Variants in SH3D19 observed in about 807,000 individuals in gnomAD.
SH3D19 encodes the protein SH3 domain-containing protein 19.
In SH3D19, 58 loss-of-function variants were observed where a neutral mutation model predicts 112.1. The observed-to-expected ratio is 0.52, with a 90% CI of 0.42 to 0.64. The LOEUF (loss-of-function observed/expected upper bound fraction) is 0.64. Among genes scored for constraint, SH3D19 ranks in the 30% least tolerant of loss-of-function variants. The pLI, the probability that SH3D19 is intolerant of heterozygous loss-of-function variation, is 0.00. For synonymous variants in SH3D19, 391 were observed against 448.5 expected, an observed-to-expected ratio of 0.87 and a Z score of 1.62; for missense variants, 1,090 against 1,263.4, an observed-to-expected ratio of 0.86 and a Z score of 2.08.
chr4:151,161,740 G>A, intron 8 of SH3D19, among the ~76,000 whole-genome samples: 1 of 143,920 alleles, frequency 6.9e-6, no homozygotes, highest in East Asian at 2.0e-4. Flanking sequence ...TGGCCAAAGT[G>A]TTCTCACTGT....
chr4:151,163,285 T>C (rs1177271201), intron 8 of SH3D19, among the ~76,000 whole-genome samples: 1 of 152,234 alleles, frequency 6.6e-6, no homozygotes, highest in East Asian at 1.9e-4. Flanking sequence ...AACTATCTGT[T>C]GAGTCCTGTG....
intron 1 of SH3D19, among the ~76,000 whole-genome samples, chr4:151,255,481 G>T (rs1260284201): frequency 6.6e-6 from 1 of 151,878 alleles, no homozygotes; most frequent in African/African-American, 2.4e-5. Context: ...CGGCCGGGAA[G>T]AGGTGCTTCT....
At position 151,143,987 on chromosome 4, in the gene SH3D19, C is replaced by T. The variant is rs776670244; in HGVS notation, c.2146G>A (p.Glu716Lys). 3 of 1,613,990 alleles carry T rather than the reference C, an allele frequency of 1.9e-6. No individual in the cohort carries two copies. The highest frequency in any genetic ancestry group is 1.7e-5 in the Admixed American group (1 of 59,994). Residue 716 changes from glutamate (E) to lysine (K), a missense_variant, in exon 12 of 20, where the codon GAA (glutamate) becomes AAA (lysine). Glu to Lys is a moderately conservative substitution (Grantham distance 56). Transcript: ENST00000604030. Reference sequence around the variant, plus strand: ...GACAGGTGAACTCTGCCAGTGTCTTCTCCCTTTTGGCACTCCAAGTAATTA... The same window carrying T: ...GACAGGTGAACTCTGCCAGTGTCTTTTCCCTTTTGGCACTCCAAGTAATTA... ...ENNYLECQKGEDTGRVHLSQM... is the reference protein window; with the variant it reads ...ENNYLECQKGKDTGRVHLSQM...
chr4:151,124,810 TAAC>T (rs376929904), intron 19 of SH3D19, among the ~76,000 whole-genome samples: 3 of 152,038 alleles, frequency 2.0e-5, no homozygotes, highest in Non-Finnish European at 4.4e-5. Context: ...ACAACAACAA[TAAC>T]AACAACAATT....
chr4:151,311,995 T>C (rs997154932), intron 1 of SH3D19, among the ~76,000 whole-genome samples: 11 of 152,114 alleles, frequency 7.2e-5, no homozygotes, highest in African/African-American at 2.2e-4. Flanking sequence ...TTAATAATAA[T>C]GTATTATATT....
intron 1 of SH3D19, among the ~76,000 whole-genome samples, chr4:151,238,164 A>G (rs78592572): frequency 0.037 from 5,677 of 152,298 alleles, 139 homozygotes; most frequent in Non-Finnish European, 0.059. Flanking sequence ...TGTGGGTTTT[A>G]GTCCTCACTG....
At chr4:151,136,189 C>T (rs1579694370) in intron 14 of SH3D19, among the ~76,000 whole-genome samples, 1 of 152,258 alleles carries the variant, frequency 6.6e-6, no homozygotes, top group East Asian at 1.9e-4. Flanking sequence ...ACTCTGTTGC[C>T]CAGGCTGGAG....
At chr4:151,288,782 G>C (rs1289735961) in intron 1 of SH3D19, among the ~76,000 whole-genome samples, 4 of 152,080 alleles carry the variant, frequency 2.6e-5, no homozygotes, top group African/African-American at 9.7e-5. Context: ...GTTTTAAAAA[G>C]AATAAAATAG....
At chr4:151,280,121 T>C (rs547417048) in intron 1 of SH3D19, among the ~76,000 whole-genome samples, 2 of 67,306 alleles carry the variant, frequency 3.0e-5, no homozygotes, top group Admixed American at 1.8e-4. Flanking sequence ...AGACAGGGCA[T>C]AGAAGTAGAA....
intron 1 of SH3D19, among the ~76,000 whole-genome samples, chr4:151,294,386 TAAC>T (rs1775558274): frequency 6.6e-6 from 1 of 152,204 alleles, no homozygotes; most frequent in African/African-American, 2.4e-5. Flanking sequence ...TTTTTCTCAT[TAAC>T]AAGGAGTTGA....
At chr4:151,300,581 G>A (rs1019926079) in intron 1 of SH3D19, 2 of 151,536 alleles carry the variant, frequency 1.3e-5, no homozygotes, top group Non-Finnish European at 2.9e-5. Context: ...TGGCAAGGGT[G>A]ACATGCAAAT....
At chr4:151,279,193 C>T in intron 1 of SH3D19, 2 of 291,888 alleles carry the variant, frequency 6.9e-6, no homozygotes, top group Non-Finnish European at 1.3e-5. Flanking sequence ...CACCAGCACA[C>T]TAGAGAAAGA....
chr4:151,266,557 A>C (rs960628446), intron 1 of SH3D19, among the ~76,000 whole-genome samples: 13 of 152,248 alleles, frequency 8.5e-5, no homozygotes, highest in Admixed American at 5.9e-4. Flanking sequence ...ATGGAAATGA[A>C]TAGCCCTTAG....
At chr4:151,178,037 T>C (rs899794453) in intron 4 of SH3D19, among the ~76,000 whole-genome samples, 2 of 152,172 alleles carry the variant, frequency 1.3e-5, no homozygotes, top group Non-Finnish European at 2.9e-5. Context: ...CTCAGCTTCC[T>C]GAGTAGCTGG....
At position 151,144,485 on chromosome 4, in the gene SH3D19, T is replaced by C. The variant is rs562884944; in HGVS notation, c.2083-435A>G. On this transcript the variant is annotated intron_variant, in intron 11 of 19. Transcript: ENST00000604030. ...TTAAGAGGCTCTTGGGAGTTGGAGTTAGGCCCATAGAACCACAAGAGCTAA... is the reference window on the plus strand; with the variant it reads ...TTAAGAGGCTCTTGGGAGTTGGAGTCAGGCCCATAGAACCACAAGAGCTAA... 22 of 584,256 alleles carry C rather than the reference T, an allele frequency of 3.8e-5. No individual in the cohort carries two copies. In the African/African-American group the frequency reaches 3.9e-4, roughly 10 times the overall value. The allele number at this position is 584,256 out of a possible 1,614,324, so 36.2% of individuals were successfully genotyped here.
At chr4:151,282,512 C>G (rs6849871) in intron 1 of SH3D19, 546,649 of 1,272,130 alleles carry the variant, frequency 0.43, 120,743 homozygotes, top group Non-Finnish European at 0.47. Flanking sequence ...AAATATTTTT[C>G]AACAAAACCA....
chr4:151,178,942 C>T (rs2149833904), intron 4 of SH3D19, among the ~76,000 whole-genome samples: 1 of 152,214 alleles, frequency 6.6e-6, no homozygotes, highest in South Asian at 2.1e-4. Flanking sequence ...AAAAGCCATC[C>T]AGGCTTTATT....
At chr4:151,218,356 T>C (rs902497155) in intron 2 of SH3D19, among the ~76,000 whole-genome samples, 3 of 152,114 alleles carry the variant, frequency 2.0e-5, no homozygotes, top group Admixed American at 2.0e-4. Flanking sequence ...ATCATTGCCA[T>C]AGGATTCAAA....
chr4:151,317,558 G>A lies in SH3D19; in HGVS notation c.112+7683C>T, dbSNP rs190672615. On this transcript the variant is annotated intron_variant, in intron 1 of 19. Coordinates refer to ENST00000604030, the MANE Select transcript of SH3D19 (RefSeq NM_001378122.1). ...GTGAGAGAGGGAAAGAAAACAGAAC[G>A]AAGGGATGCACTCTGGTTAAAAATA... Among the ~76,000 whole-genome samples the A allele has an allele frequency of 7.9e-5, 12 of 152,298 alleles. No individual in the cohort carries two copies. The East Asian group carries it at 1.4e-3, about 17-fold the overall frequency.
Sources: allele counts gnomAD v4.1 joint callset (sites outside exome capture counted in the v4.1 genomes callset), GRCh38; gene constraint gnomAD v4.1.1; transcripts MANE v1.5; gene names NCBI Gene and HGNC (gene_info 2026-07-23, HGNC 2026-07-21).